FTCDNL1: variants seen among roughly 807,000 people sequenced by gnomAD.
The protein encoded by FTCDNL1 is formiminotransferase N-terminal subdomain-containing protein.
In FTCDNL1, 11 loss-of-function variants were observed where a neutral mutation model predicts 5.9. That is an observed-to-expected ratio of 1.87 (90% CI 1.18 to 3.10). The LOEUF is 3.10. Ranked by LOEUF, FTCDNL1 falls within the 30% of genes most tolerant of loss-of-function variation. The probability of loss-of-function intolerance (pLI) is 0.00; values close to 1 mark genes in which losing one functional copy is unlikely to be tolerated. For synonymous variants in FTCDNL1, 58 were observed against 24.8 expected (o/e 2.34, Z -3.99); for missense variants, 115 against 65.5 (o/e 1.76, Z -2.61).
chr2:199,835,183 A>G (rs147202758), intron 3 of FTCDNL1, among the ~76,000 whole-genome samples: 1,683 of 152,274 alleles, frequency 0.011, 29 homozygotes, highest in African/African-American at 0.038. Flanking sequence ...TCTCTAAAAT[A>G]AATAAATAAA....
chr2:199,683,360 C>T, the FTCDNL1 span, among the ~76,000 whole-genome samples: 1 of 152,086 alleles, frequency 6.6e-6, no homozygotes, highest in African/African-American at 2.4e-5. Context: ...ACACTTACTG[C>T]TTACACATGC....
At chr2:199,756,262 T>C (rs1292290034), downstream of FTCDNL1, among the ~76,000 whole-genome samples, 1 of 152,196 alleles carries the variant, frequency 6.6e-6, no homozygotes, top group Admixed American at 6.5e-5. Flanking sequence ...AATAAAGTGA[T>C]AGAACAATTT....
chr2:199,793,087 C>G (rs1033892308), intron 3 of FTCDNL1, among the ~76,000 whole-genome samples: 2 of 152,152 alleles, frequency 1.3e-5, no homozygotes, highest in Admixed American at 6.5e-5. Context: ...TACAAGGACC[C>G]AAGTTCCTTC....
intron 3 of FTCDNL1, among the ~76,000 whole-genome samples, chr2:199,830,015 C>T (rs1702266137): frequency 2.6e-5 from 4 of 151,786 alleles, no homozygotes; most frequent in Admixed American, 2.6e-4. Flanking sequence ...TTTTCCAACC[C>T]ATATCACCTG....
chr2:199,818,811 A>C (rs1236319834), intron 4 of FTCDNL1: 2 of 152,118 alleles, frequency 1.3e-5, no homozygotes, highest in East Asian at 3.9e-4. Flanking sequence ...TTATTGACTG[A>C]CCATCAAAAT....
At chr2:199,776,916 G>GTATA (rs56091291) in intron 3 of FTCDNL1, among the ~76,000 whole-genome samples, 58,340 of 143,352 alleles carry the variant, frequency 0.41, 13,554 homozygotes, top group East Asian at 0.54. Context: ...ATATGTGTAT[G>GTATA]TATATATATA....
At chr2:199,713,251 T>C in the FTCDNL1 span, among the ~76,000 whole-genome samples, 2 of 152,156 alleles carry the variant, frequency 1.3e-5, no homozygotes, top group Non-Finnish European at 2.9e-5. Context: ...CAAGATGGAA[T>C]AATAGAGACC....
intron 3 of FTCDNL1, among the ~76,000 whole-genome samples, chr2:199,769,110 T>C (rs773328163): frequency 5.9e-5 from 9 of 152,166 alleles, no homozygotes; most frequent in African/African-American, 1.2e-4. Flanking sequence ...TCTAGCTGTA[T>C]CTCTGTGAGC....
downstream of FTCDNL1, among the ~76,000 whole-genome samples, chr2:199,807,199 C>A (rs1276893535): frequency 6.6e-6 from 1 of 152,180 alleles, no homozygotes; most frequent in Non-Finnish European, 1.5e-5. Flanking sequence ...AGAGGAAGAG[C>A]TGGTGATAGT....
chr2:199,676,973 T>C, the FTCDNL1 span, among the ~76,000 whole-genome samples: 1 of 152,216 alleles, frequency 6.6e-6, no homozygotes, highest in Non-Finnish European at 1.5e-5. Flanking sequence ...GTTCAATATC[T>C]TCTTGTTTAT....
intron 3 of FTCDNL1, among the ~76,000 whole-genome samples, chr2:199,821,259 C>T (rs1701664016): frequency 6.6e-6 from 1 of 151,720 alleles, no homozygotes; most frequent in African/African-American, 2.4e-5. Flanking sequence ...AAGCAATTCT[C>T]CTGCCTCAGC....
intron 3 of FTCDNL1, among the ~76,000 whole-genome samples, chr2:199,768,138 G>A (rs778028219): frequency 2.6e-5 from 4 of 152,172 alleles, no homozygotes; most frequent in African/African-American, 9.7e-5. Flanking sequence ...TTAGAAATAT[G>A]AAAAGAGATG....
intron 3 of FTCDNL1, among the ~76,000 whole-genome samples, chr2:199,840,185 T>C (rs1228795835): frequency 6.6e-6 from 1 of 152,192 alleles, no homozygotes; most frequent in Non-Finnish European, 1.5e-5. Context: ...GCATGAAGTG[T>C]TCTATCTGAA....
At chr2:199,691,262 T>C in the FTCDNL1 span, among the ~76,000 whole-genome samples, 1 of 152,216 alleles carries the variant, frequency 6.6e-6, no homozygotes, top group Non-Finnish European at 1.5e-5. Context: ...AACCTCCGCC[T>C]CCCGGGTTCA....
chr2:199,783,045 GAT>G (rs975373201), intron 3 of FTCDNL1, among the ~76,000 whole-genome samples: 2 of 152,162 alleles, frequency 1.3e-5, no homozygotes, highest in Non-Finnish European at 2.9e-5. Context: ...GGCACTCTTG[GAT>G]ATCACTTTGA....
chr2:199,823,340 A>G (rs941280134), intron 3 of FTCDNL1, among the ~76,000 whole-genome samples: 1 of 152,172 alleles, frequency 6.6e-6, no homozygotes, highest in Non-Finnish European at 1.5e-5. Flanking sequence ...CTTCCCCCCA[A>G]GAATCATGAA....
chr2:199,804,428 T>A (rs2106416231), downstream of FTCDNL1, among the ~76,000 whole-genome samples: 1 of 152,312 alleles, frequency 6.6e-6, no homozygotes, highest in South Asian at 2.1e-4. Context: ...CTTTACTTAT[T>A]TAAATTATAT....
chr2:199,847,107 G>A (rs189940402), intron 2 of FTCDNL1, among the ~76,000 whole-genome samples: 2 of 151,962 alleles, frequency 1.3e-5, no homozygotes, highest in African/African-American at 2.4e-5. Flanking sequence ...ATGGCCAAAC[G>A]AGCATCTGTA....
At chr2:199,754,730 T>C in the FTCDNL1 span, among the ~76,000 whole-genome samples, 1 of 152,132 alleles carries the variant, frequency 6.6e-6, no homozygotes, top group Non-Finnish European at 1.5e-5. Flanking sequence ...GTTCACAGAT[T>C]GGGGGCTTCG....
Sources: allele counts gnomAD v4.1 joint callset (sites outside exome capture counted in the v4.1 genomes callset), GRCh38; gene constraint gnomAD v4.1.1; transcripts MANE v1.5; gene names NCBI Gene and HGNC (gene_info 2026-07-23, HGNC 2026-07-21).